The following NOTCH3 variants were observed in gnomAD, a reference collection of about 807,000 sequenced individuals.
The protein encoded by NOTCH3 is neurogenic locus notch homolog protein 3.
NOTCH3 carries 86 observed loss-of-function variants against 213.3 expected under a neutral mutation model. The ratio of observed to expected loss-of-function variants is 0.40; its 90% CI spans 0.34 to 0.48. NOTCH3 has a LOEUF of 0.48. NOTCH3 is among the 20% of genes least tolerant of loss of function. The pLI, the probability that NOTCH3 is intolerant of heterozygous loss-of-function variation, is 0.57. For synonymous variants in NOTCH3, 1,354 were observed against 1,355.9 expected (o/e 1.00, Z 0.03); for missense variants, 2,783 against 3,272.6 (o/e 0.85, Z 3.65).
At chr19:15,188,111 A>C in intron 9 of NOTCH3, 117 bp from the exon 10 acceptor site, 1 of 1,060,104 alleles carries the variant, frequency 9.4e-7, no homozygotes, top group Middle Eastern at 2.0e-4. Flanking sequence ...ATTAACTTCA[A>C]TGTTTCATAA....
chr19:15,195,157 A>T (rs2046959725), intron 2 of NOTCH3, among the ~76,000 whole-genome samples: 1 of 152,000 alleles, frequency 6.6e-6, no homozygotes, highest in South Asian at 2.1e-4. Flanking sequence ...ACTCACAGGG[A>T]CAGACAGCAG....
At chr19:15,183,233 G>A (rs545965896) in intron 16 of NOTCH3, among the ~76,000 whole-genome samples, 145 of 152,166 alleles carry the variant, frequency 9.5e-4, no homozygotes, top group African/African-American at 3.3e-3. Context: ...CAGCCTGGGC[G>A]ACAGAGCCTC....
chr19:15,190,681 G>C (rs185649786), intron 6 of NOTCH3, among the ~76,000 whole-genome samples: 15 of 152,328 alleles, frequency 9.8e-5, no homozygotes, highest in Admixed American at 3.9e-4. Context: ...CACCTTCTGG[G>C]CTCAAGCCAT....
chr19:15,188,419 T>C (rs2046901468), intron 8 of NOTCH3, 71 bp from the exon 9 acceptor site: 13 of 956,468 alleles, frequency 1.4e-5, no homozygotes, highest in Non-Finnish European at 2.2e-5. Flanking sequence ...AGGAAGGAGG[T>C]ACTTCCCTTC....
At chr19:15,184,172 A>G in intron 16 of NOTCH3, 123 bp downstream of exon 16, 1 of 1,054,652 alleles carries the variant, frequency 9.5e-7, no homozygotes, top group Non-Finnish European at 1.4e-6. Flanking sequence ...GTTTCCATAT[A>G]AATAAAACGG....
intron 9 of NOTCH3, 34 bp from the exon 10 acceptor site, chr19:15,188,028 A>G (rs754724523): frequency 2.0e-6 from 3 of 1,501,232 alleles, no homozygotes; most frequent in Admixed American, 2.0e-5. Context: ...AGAGGCCCAG[A>G]AAGGGTGAGA....
rs1361948700 is a variant in NOTCH3, at chr19:15,165,717, C to T, written c.5667+70G>A. The T allele has an allele frequency of 6.4e-7, 1 of 1,557,534 alleles. No homozygotes were observed. The highest frequency in any genetic ancestry group is 8.7e-7 in the Non-Finnish European group (1 of 1,144,090). ...GAAAAAATGAGTCTGAAAGGCAGAA[C>T]TGGGGCTCAAACCCAGGTAAGTCTA... On this transcript the variant is annotated intron_variant, in intron 30 of 32. Coordinates refer to ENST00000263388, the MANE Select transcript of NOTCH3 (RefSeq NM_000435.3). The surrounding 1 kb of genome is among the most constrained non-coding windows in gnomAD (Gnocchi z 4.7).
At position 15,170,837 on chromosome 19, in the gene NOTCH3, GC is replaced by G. The variant is rs1568350191; in HGVS notation, c.4737-13del. ...GCATTACTACCGAGCTGCAGGGACAGCAGGGAGGGACCAGAGGGCTCAAAAA... is the reference window on the plus strand; with the variant it reads ...GCATTACTACCGAGCTGCAGGGACAGAGGGAGGGACCAGAGGGCTCAAAAA... On this transcript the variant is annotated splice_polypyrimidine_tract_variant and intron_variant, in intron 25 of 32. Coordinates refer to ENST00000263388, the MANE Select transcript of NOTCH3 (RefSeq NM_000435.3). 4 of 1,612,698 alleles carry G rather than the reference GC, an allele frequency of 2.5e-6. No individual in the cohort carries two copies. In the Admixed American group the frequency reaches 6.7e-5, roughly 27 times the overall value.
chr19:15,200,503 C>G (rs986819933), intron 1 of NOTCH3, among the ~76,000 whole-genome samples: 101 of 152,118 alleles, frequency 6.6e-4, no homozygotes, highest in Non-Finnish European at 1.2e-3. Context: ...CGCACCCCCC[C>G]ACCTCGAGTC....
At chr19:15,177,450 G>C in intron 24 of NOTCH3, 75 bp downstream of exon 24, 2 of 1,389,528 alleles carry the variant, frequency 1.4e-6, no homozygotes, top group Non-Finnish European at 2.0e-6. Flanking sequence ...CAGGTGGAAA[G>C]AGAGGCAGGG....
Position 15,177,783 on chromosome 19 carries a change from G to A in NOTCH3, c.4145C>T (p.Ser1382Leu), listed in dbSNP as rs1427386439. The A allele has an allele frequency of 3.1e-6, 4 of 1,308,612 alleles. No individual in the cohort carries two copies. Among genetic ancestry groups the A allele is most frequent in the African/African-American group, 3.1e-5 (2 of 64,312 alleles). The allele number at this position is 1,308,612 out of a possible 1,614,324, so 81.1% of individuals were successfully genotyped here. A position where few individuals can be genotyped will look rare whatever the true frequency, so the allele number is the denominator to read the frequency against. ...CEAPAAAPEV[S>L]EEPRCPRAAC... is the part of the protein sequence containing the mutation. ...GGCGCGCGGGCACCGCGGCTCCTCC[G>A]AGACCTCGGGTGCCGCGGCGGGCGC... is the stretch of plus-strand genomic sequence containing the variant. Residue 1382 changes from serine to leucine, a missense_variant, in exon 24 of 33, where the codon TCG becomes TTG. Coordinates refer to ENST00000263388, the MANE Select transcript of NOTCH3 (RefSeq NM_000435.3).
Position 15,161,305 on chromosome 19 carries a change from G to A in NOTCH3, c.6323C>T (p.Pro2108Leu), listed in dbSNP as rs2046640187. 2.0e-6 allele frequency: 3 copies of A among 1,531,706 alleles called. No individual in the cohort carries two copies. Among genetic ancestry groups the A allele is most frequent in the Middle Eastern group, 1.8e-4 (1 of 5,498 alleles). 94.9% of individuals were successfully genotyped at this position (1,531,706 alleles called of 1,614,324 possible). A position where few individuals can be genotyped will look rare whatever the true frequency, so the allele number is the denominator to read the frequency against. Residue 2108 changes from proline (P) to leucine (L), a missense_variant, in exon 33 of 33, where the codon CCG becomes CTG. Physicochemically the swap from Pro to Leu is moderately conservative, Grantham distance 98 (BLOSUM62 -3). This residue lies in a region of NOTCH3 where 441 missense variants were observed against 432.1 expected (regional missense o/e 1.02). Transcript: ENST00000263388. The part of the protein sequence containing the change: ...TLSPVDSLDS[P>L]RPFGGPPASP... Reference sequence around the variant, plus strand: ...AGCAGGGGGCCCACCGAAAGGCCGCGGGGAGTCCAGCGAGTCCACGGGCGA... The same window carrying A: ...AGCAGGGGGCCCACCGAAAGGCCGCAGGGAGTCCAGCGAGTCCACGGGCGA...
At position 15,170,189 on chromosome 19, in the gene NOTCH3, A is replaced by C. The variant is rs774492114; in HGVS notation, c.5115-19T>G. On this transcript the variant is annotated intron_variant, in intron 27 of 32. Coordinates refer to ENST00000263388, the MANE Select transcript of NOTCH3 (RefSeq NM_000435.3). ...CATGTTCCTGGCGGACAATGGGAAG[A>C]GGGGATGTGAGGGGGACACTAGAGG... 9.0e-6 allele frequency: 14 copies of C among 1,562,546 alleles called. No individual in the cohort carries two copies. The highest frequency in any genetic ancestry group is 1.2e-5 in the Non-Finnish European group (14 of 1,140,220).
At chr19:15,184,208 A>G (rs1248488341) in intron 16 of NOTCH3, 87 bp downstream of exon 16, 7 of 1,317,840 alleles carry the variant, frequency 5.3e-6, no homozygotes, top group Non-Finnish European at 7.6e-6. Context: ...TGTGAAGATG[A>G]AATGACAGCA....
intron 16 of NOTCH3, 94 bp from the exon 17 acceptor site, chr19:15,181,895 G>A (rs2046845227): frequency 2.7e-6 from 3 of 1,113,544 alleles, no homozygotes; most frequent in South Asian, 2.8e-5. Context: ...AATTCAGGAG[G>A]AAACCAGGTT....
intron 25 of NOTCH3, among the ~76,000 whole-genome samples, chr19:15,173,795 G>T (rs2046763092): frequency 7.1e-6 from 1 of 141,406 alleles, no homozygotes; most frequent in Non-Finnish European, 1.5e-5. Flanking sequence ...AGAAGAAGAA[G>T]AAGAAGAAGA....
Position 15,166,388 on chromosome 19 carries a change from C to T in NOTCH3, c.5363-297G>A, listed in dbSNP as rs7250232. Among the ~76,000 whole-genome samples the T allele has an allele frequency of 0.9, 137,166 of 152,136 alleles. 62,156 individuals are homozygous for T. Among genetic ancestry groups the T allele is most frequent in the African/African-American group, 0.98 (40,512 of 41,518 alleles). On this transcript the variant is annotated intron_variant, in intron 29 of 32. Transcript: ENST00000263388. ...TTGATCCTCCAAAGGGACTCTGGAA[C>T]ATGTGTTGTACCCCAGAGTTCTAAT...
At chr19:15,197,452 C>A (rs1457557793) in intron 2 of NOTCH3, 48 bp downstream of exon 2, 4 of 939,544 alleles carry the variant, frequency 4.3e-6, no homozygotes, top group South Asian at 2.7e-5. Context: ...CCCCTCCCCC[C>A]CGCCCCCACA....
In NOTCH3 at chr19:15,180,174, G is replaced by C; in HGVS notation, c.3225C>G (p.Gly1075=). The change falls in exon 20 of 33, where the codon GGC becomes GGG. Residue 1075 remains glycine, a synonymous_variant. Transcript: ENST00000263388. Reference sequence around the variant, plus strand: ...CCTGCTCACAGTGGCTACCAGTACGGCCCTCTGGGCACACGCAGTAGTGGG... The same window carrying C: ...CCTGCTCACAGTGGCTACCAGTACGCCCCTCTGGGCACACGCAGTAGTGGG... ...DSSHYCVCPE[G]RTGSHCEQEV... is the part of the protein sequence containing the mutation. The C allele has an allele frequency of 6.2e-7, 1 of 1,613,716 alleles. No individual in the cohort carries two copies. The highest frequency in any genetic ancestry group is 8.5e-7 in the Non-Finnish European group (1 of 1,179,906).
Sources: allele counts gnomAD v4.1 joint callset (sites outside exome capture counted in the v4.1 genomes callset), GRCh38; gene constraint gnomAD v4.1.1; regional missense constraint gnomAD v4.1.1; non-coding constraint Gnocchi (gnomAD v3.1); transcripts MANE v1.5; gene names NCBI Gene and HGNC (gene_info 2026-07-23, HGNC 2026-07-21).